Variants in NEGR1 observed in about 807,000 individuals in gnomAD.
The protein encoded by NEGR1 is neuronal growth regulator 1, also known as IgLON family member 4.
NEGR1 carries 10 observed loss-of-function variants against 40.9 expected under a neutral mutation model. That is an observed-to-expected ratio of 0.24 (90% CI 0.15 to 0.42). The LOEUF (loss-of-function observed/expected upper bound fraction) is 0.42. Ranked by LOEUF, NEGR1 falls within the 10% of genes least tolerant of loss-of-function variation. The probability of loss-of-function intolerance (pLI) is 1.00; values close to 1 mark genes in which losing one functional copy is unlikely to be tolerated. For missense variants in NEGR1, 352 were observed against 438.9 expected (o/e 0.80, Z 1.77); for synonymous variants, 185 against 166.8 (o/e 1.11, Z -0.84).
At chr1:71,965,028 A>G (rs927229173) in intron 1 of NEGR1, among the ~76,000 whole-genome samples, 2 of 152,158 alleles carry the variant, frequency 1.3e-5, no homozygotes, top group Non-Finnish European at 2.9e-5. Context: ...GTAGGCTTGT[A>G]TCCAAGTTCT....
chr1:71,927,901 G>T (rs1052962657), intron 2 of NEGR1, among the ~76,000 whole-genome samples: 1 of 145,564 alleles, frequency 6.9e-6, no homozygotes, highest in African/African-American at 2.6e-5. Flanking sequence ...GAGAGGCTGA[G>T]GTGGGAGGAT....
At chr1:71,914,451 C>T (rs1328249603) in intron 2 of NEGR1, among the ~76,000 whole-genome samples, 2 of 152,110 alleles carry the variant, frequency 1.3e-5, no homozygotes, top group African/African-American at 2.4e-5. Flanking sequence ...AAGTCTAAGC[C>T]CAGGTAATGA....
intron 6 of NEGR1, among the ~76,000 whole-genome samples, chr1:71,482,162 C>T (rs936008495): frequency 2.6e-5 from 4 of 151,848 alleles, no homozygotes; most frequent in African/African-American, 9.7e-5. Flanking sequence ...TACCTCTCTA[C>T]ACTAAATAGT....
chr1:71,912,696 A>G (rs1156739831), intron 2 of NEGR1, among the ~76,000 whole-genome samples: 1 of 152,196 alleles, frequency 6.6e-6, no homozygotes, highest in African/African-American at 2.4e-5. Flanking sequence ...TCCAAAGAAT[A>G]CATTTGAAGC....
intron 1 of NEGR1, among the ~76,000 whole-genome samples, chr1:72,236,940 G>T (rs1053716253): frequency 2.0e-4 from 31 of 151,758 alleles, no homozygotes; most frequent in Non-Finnish European, 1.3e-4. Flanking sequence ...TATTATTGAG[G>T]ATAGTTAGAA....
intron 2 of NEGR1, among the ~76,000 whole-genome samples, chr1:71,927,170 G>T (rs1480456476): frequency 6.6e-6 from 1 of 152,040 alleles, no homozygotes. Flanking sequence ...CTAGAATCTG[G>T]TCTGATATAT....
chr1:72,176,117 T>C (rs749584337), intron 1 of NEGR1, among the ~76,000 whole-genome samples: 1 of 152,088 alleles, frequency 6.6e-6, no homozygotes. Context: ...AATAGGAAAG[T>C]TAATACAACA....
Position 71,680,171 on chromosome 1 carries a change from T to C in NEGR1, c.667+17837A>G, listed in dbSNP as rs533658560. ...TTCTTTTTATTTCTTTTTAAAAATT[T>C]TTCTTGAAGAGTTTGTGTAAATTTT... is the stretch of plus-strand genomic sequence containing the variant. On this transcript the variant is annotated intron_variant, in intron 4 of 6. Transcript: ENST00000357731. Among the ~76,000 whole-genome samples the C allele has an allele frequency of 2.6e-5, 4 of 152,178 alleles. No individual in the cohort carries two copies. The South Asian group carries it at 8.3e-4, about 32-fold the overall frequency.
intron 3 of NEGR1, among the ~76,000 whole-genome samples, chr1:71,750,504 G>C (rs1289709463): frequency 6.6e-6 from 1 of 152,124 alleles, no homozygotes; most frequent in African/African-American, 2.4e-5. Flanking sequence ...GGCTGGGGAG[G>C]CCTCACAATC....
intron 6 of NEGR1, among the ~76,000 whole-genome samples, chr1:71,416,178 C>T (rs955371447): frequency 1.3e-5 from 2 of 152,100 alleles, no homozygotes; most frequent in Non-Finnish European, 2.9e-5. Flanking sequence ...AATTGCAAAC[C>T]GAAAACATTT....
At chr1:71,498,064 CT>C (rs999779221) in intron 6 of NEGR1, among the ~76,000 whole-genome samples, 2 of 150,962 alleles carry the variant, frequency 1.3e-5, no homozygotes, top group Non-Finnish European at 2.9e-5. Flanking sequence ...TGAATTGGAA[CT>C]TTTTTTTAAG....
At chr1:71,967,892 T>C (rs1398357230) in intron 1 of NEGR1, among the ~76,000 whole-genome samples, 12 of 152,182 alleles carry the variant, frequency 7.9e-5, no homozygotes, top group African/African-American at 1.9e-4. Flanking sequence ...GTATTCTCTA[T>C]ATGACATCAA....
At chr1:71,600,326 G>A (rs964148023) in intron 5 of NEGR1, among the ~76,000 whole-genome samples, 1 of 152,196 alleles carries the variant, frequency 6.6e-6, no homozygotes, top group Non-Finnish European at 1.5e-5. Flanking sequence ...TCATTTCCAG[G>A]TAGATTTAGA....
intron 6 of NEGR1, among the ~76,000 whole-genome samples, chr1:71,506,027 T>C (rs995519926): frequency 2.6e-5 from 4 of 152,124 alleles, no homozygotes; most frequent in African/African-American, 9.7e-5. Context: ...AAGCAGAGAA[T>C]AAACCCAGAG....
intron 4 of NEGR1, among the ~76,000 whole-genome samples, chr1:71,621,023 T>C (rs1650591916): frequency 6.6e-6 from 1 of 151,910 alleles, no homozygotes; most frequent in Non-Finnish European, 1.5e-5. Flanking sequence ...AATAAAAACA[T>C]TAGCTATTAT....
chr1:72,251,459 G>A (rs527961037), intron 1 of NEGR1, among the ~76,000 whole-genome samples: 11 of 152,104 alleles, frequency 7.2e-5, no homozygotes, highest in Admixed American at 2.6e-4. Flanking sequence ...GTCATCCCTC[G>A]GTATCCATAC....
At chr1:72,208,084 A>G (rs900716205) in intron 1 of NEGR1, among the ~76,000 whole-genome samples, 42 of 151,714 alleles carry the variant, frequency 2.8e-4, no homozygotes, top group African/African-American at 9.7e-4. Context: ...CTCATTTGTA[A>G]AAGAGAGATC....
intron 2 of NEGR1, among the ~76,000 whole-genome samples, chr1:71,895,318 G>A (rs1660939234): frequency 1.3e-5 from 2 of 151,894 alleles, no homozygotes; most frequent in South Asian, 4.2e-4. Flanking sequence ...CATTTTTATT[G>A]AGATATTATA....
intron 1 of NEGR1, among the ~76,000 whole-genome samples, chr1:72,085,114 T>TTA (rs1425255045): frequency 6.6e-6 from 1 of 152,162 alleles, no homozygotes; most frequent in African/African-American, 2.4e-5. Flanking sequence ...ATCCAAGTGA[T>TTA]TACACCAGAT....
Sources: allele counts gnomAD v4.1 joint callset (sites outside exome capture counted in the v4.1 genomes callset), GRCh38; gene constraint gnomAD v4.1.1; transcripts MANE v1.5; gene names NCBI Gene and HGNC (gene_info 2026-07-23, HGNC 2026-07-21).